TECRL: variants seen among roughly 807,000 people sequenced by gnomAD.
TECRL encodes trans-2,3-enoyl-CoA reductase-like.
TECRL carries 63 observed loss-of-function variants against 52.8 expected under a neutral mutation model. The ratio of observed to expected loss-of-function variants is 1.19; its 90% confidence interval spans 0.97 to 1.47. TECRL has a LOEUF of 1.47. Ranked by LOEUF, TECRL falls within the 40% of genes most tolerant of loss-of-function variation. The probability of loss-of-function intolerance (pLI) is 0.00; values close to 1 mark genes in which losing one functional copy is unlikely to be tolerated. For synonymous variants in TECRL, 164 were observed against 141.9 expected, an observed-to-expected ratio of 1.16 and a Z score of -1.10; for missense variants, 482 against 429.6, an observed-to-expected ratio of 1.12 and a Z score of -1.08.
chr4:64,357,501 C>T (rs1380456356), intron 2 of TECRL, among the ~76,000 whole-genome samples: 1 of 151,322 alleles, frequency 6.6e-6, no homozygotes, highest in Non-Finnish European at 1.5e-5. Flanking sequence ...AATTAATTCT[C>T]TGATATTCAG....
intron 2 of TECRL, among the ~76,000 whole-genome samples, chr4:64,344,156 C>CAT (rs147038542): frequency 0.045 from 6,834 of 150,876 alleles, 201 homozygotes; most frequent in South Asian, 0.096. Flanking sequence ...GGAAAAAACT[C>CAT]ATATATATAT....
At chr4:64,406,157 C>CGTGTGTGT in intron 1 of TECRL, among the ~76,000 whole-genome samples, 1 of 144,442 alleles carries the variant, frequency 6.9e-6, no homozygotes, top group Admixed American at 7.0e-5. Flanking sequence ...GGCGCGCGCG[C>CGTGTGTGT]GCGCGCGCGT....
At chr4:64,332,823 A>T (rs1454782231) in intron 2 of TECRL, among the ~76,000 whole-genome samples, 1 of 152,116 alleles carries the variant, frequency 6.6e-6, no homozygotes, top group African/African-American at 2.4e-5. Flanking sequence ...TGGAACGGGA[A>T]AGGTGTAGGA....
At chr4:64,308,384 C>G (rs1202166165) in intron 6 of TECRL, among the ~76,000 whole-genome samples, 1 of 152,148 alleles carries the variant, frequency 6.6e-6, no homozygotes, top group Non-Finnish European at 1.5e-5. Context: ...TCAGCTTCCC[C>G]CCTCCACAGG....
At chr4:64,395,022 T>C (rs1468575762) in intron 1 of TECRL, among the ~76,000 whole-genome samples, 2 of 151,216 alleles carry the variant, frequency 1.3e-5, no homozygotes, top group East Asian at 3.9e-4. Flanking sequence ...AAATGATTCT[T>C]CTGCCTCAAC....
At chr4:64,338,747 C>A (rs964095162) in intron 2 of TECRL, among the ~76,000 whole-genome samples, 29 of 152,108 alleles carry the variant, frequency 1.9e-4, no homozygotes, top group African/African-American at 6.5e-4. Flanking sequence ...CATCTCACAC[C>A]AGTTAGAATG....
chr4:64,293,368 AC>A (rs1723498722), intron 8 of TECRL, among the ~76,000 whole-genome samples: 1 of 152,084 alleles, frequency 6.6e-6, no homozygotes, highest in South Asian at 2.1e-4. Flanking sequence ...TTAATAACCT[AC>A]AAAGGACTTT....
At chr4:64,370,353 C>G (rs1721892601) in intron 2 of TECRL, among the ~76,000 whole-genome samples, 1 of 151,602 alleles carries the variant, frequency 6.6e-6, no homozygotes, top group South Asian at 2.1e-4. Flanking sequence ...GCGAAGAATG[C>G]CAGTGAAAGC....
chr4:64,333,739 G>T lies in TECRL; in HGVS notation c.287-5183C>A, dbSNP rs114536837. On this transcript the variant is annotated intron_variant, in intron 2 of 11. Coordinates refer to ENST00000381210, the MANE Select transcript of TECRL (RefSeq NM_001010874.5). ...GTGTCATGGCATGAGAGAATGTCCTGGCCGGGCGCGGTGGCTCACGCCTGT... is the reference window on the plus strand; with the variant it reads ...GTGTCATGGCATGAGAGAATGTCCTTGCCGGGCGCGGTGGCTCACGCCTGT... 6.8e-3 allele frequency among the ~76,000 whole-genome samples: 1,024 copies of T among 149,676 alleles called. 102 individuals are homozygous for T. The highest frequency in any genetic ancestry group is 0.024 in the African/African-American group (972 of 39,680).
At chr4:64,372,827 T>A (rs1157919972) in intron 2 of TECRL, among the ~76,000 whole-genome samples, 1 of 151,662 alleles carries the variant, frequency 6.6e-6, no homozygotes, top group Admixed American at 6.6e-5. Flanking sequence ...TCATAAAAAT[T>A]AATTTGGTGT....
chr4:64,280,647 T>G (rs1000227684), intron 11 of TECRL, among the ~76,000 whole-genome samples: 1 of 152,254 alleles, frequency 6.6e-6, no homozygotes, highest in East Asian at 1.9e-4. Flanking sequence ...ATTCAACTTC[T>G]TAGTGTGTGT....
chr4:64,375,050 T>G, intron 2 of TECRL, 122 bp downstream of exon 2: 27 of 394,766 alleles, frequency 6.8e-5, no homozygotes, highest in East Asian at 8.1e-5. Context: ...CTATTGTTCC[T>G]GAGCTCCTTG....
chr4:64,332,620 A>G (rs1356674654), intron 2 of TECRL, among the ~76,000 whole-genome samples: 1 of 152,146 alleles, frequency 6.6e-6, no homozygotes, highest in African/African-American at 2.4e-5. Flanking sequence ...AAGAATAACT[A>G]TGATTGATAT....
intron 2 of TECRL, among the ~76,000 whole-genome samples, chr4:64,371,625 T>C (rs1002353431): frequency 6.6e-6 from 1 of 151,718 alleles, no homozygotes; most frequent in Non-Finnish European, 1.5e-5. Flanking sequence ...CATCTGCTTT[T>C]CTGTGGAAAC....
At position 64,348,900 on chromosome 4, in the gene TECRL, C is replaced by T. The variant is rs73821113; in HGVS notation, c.287-20344G>A. On this transcript the variant is annotated intron_variant, in intron 2 of 11. Coordinates refer to ENST00000381210, the MANE Select transcript of TECRL (RefSeq NM_001010874.5). ...CGCAGGTAATGGCATGGAAGAGATC[C>T]CTCCTCTTTGTTCCAGTTACCTCAG... Among the ~76,000 whole-genome samples, 336 of 152,052 alleles carry T rather than the reference C, an allele frequency of 2.2e-3. 2 individuals carry two copies. Among genetic ancestry groups the T allele is most frequent in the African/African-American group, 7.9e-3 (328 of 41,474 alleles).
At chr4:64,297,398 G>T (rs1394918717) in intron 8 of TECRL, among the ~76,000 whole-genome samples, 1 of 150,936 alleles carries the variant, frequency 6.6e-6, no homozygotes, top group Non-Finnish European at 1.5e-5. Flanking sequence ...GAGTACATAG[G>T]TCAAAAATAA....
chr4:64,372,568 T>A (rs1994145), intron 2 of TECRL, among the ~76,000 whole-genome samples: 34,810 of 151,442 alleles, frequency 0.23, 4,142 homozygotes, highest in Middle Eastern at 0.3. Context: ...TGTCACTGTA[T>A]AGAAAAGACA....
chr4:64,289,050 T>C (rs558714314), intron 9 of TECRL, among the ~76,000 whole-genome samples: 13 of 152,234 alleles, frequency 8.5e-5, no homozygotes, highest in African/African-American at 3.1e-4. Flanking sequence ...TTCAAGAGTT[T>C]GTTGAATTCT....
At chr4:64,313,203 T>G (rs1390848097) in intron 5 of TECRL, among the ~76,000 whole-genome samples, 1 of 152,070 alleles carries the variant, frequency 6.6e-6, no homozygotes, top group Admixed American at 6.6e-5. Flanking sequence ...TAGGATGAAA[T>G]TAGTTCTTTA....
Sources: gnomAD v4.1 joint callset for allele counts (sites outside exome capture counted in the v4.1 genomes callset) on GRCh38, gnomAD v4.1.1 for gene constraint, MANE v1.5 for transcripts, NCBI Gene and HGNC (gene_info 2026-07-23, HGNC 2026-07-21) for gene names.